Variants in WDPCP observed in about 807,000 individuals in gnomAD.
The protein encoded by WDPCP is WD repeat-containing and planar cell polarity effector protein fritz homolog.
A neutral mutation model predicts 93.1 loss-of-function variants in WDPCP; 71 were observed. The ratio of observed to expected loss-of-function variants is 0.76; its 90% CI spans 0.63 to 0.93. The LOEUF is 0.93. WDPCP is among the 40% of genes least tolerant of loss of function. The pLI is 0.00. For synonymous variants in WDPCP, 315 were observed against 315.0 expected (o/e 1.00, Z 0.00); for missense variants, 844 against 887.4 (o/e 0.95, Z 0.62).
chr2:63,230,406 G>C (rs1022637206), intron 14 of WDPCP, among the ~76,000 whole-genome samples: 17 of 152,104 alleles, frequency 1.1e-4, no homozygotes, highest in Admixed American at 4.6e-4. Flanking sequence ...ACATGTGTAT[G>C]TGTCTTTATA....
intron 2 of WDPCP, among the ~76,000 whole-genome samples, chr2:63,491,161 G>A (rs1191440044): frequency 6.6e-6 from 1 of 151,918 alleles, no homozygotes; most frequent in Admixed American, 6.5e-5. Context: ...TTCTGTTTTT[G>A]TTTCTTGCTT....
chr2:63,443,158 C>G (rs951310464), intron 6 of WDPCP: 4 of 152,166 alleles, frequency 2.6e-5, no homozygotes, highest in Non-Finnish European at 5.9e-5. Flanking sequence ...GAGCCAGGCA[C>G]TGTTCCAAGT....
chr2:63,313,888 T>TATATA (rs1686414633), intron 12 of WDPCP, among the ~76,000 whole-genome samples: 1 of 5,016 alleles, frequency 2.0e-4, no homozygotes, highest in Non-Finnish European at 2.7e-4. Flanking sequence ...ATATATATAT[T>TATATA]TTTTTTTTTT....
At chr2:63,265,640 G>C (rs181185941) in intron 13 of WDPCP, among the ~76,000 whole-genome samples, 2 of 152,094 alleles carry the variant, frequency 1.3e-5, no homozygotes, top group Non-Finnish European at 2.9e-5. Flanking sequence ...AACTGAAGAG[G>C]ACGTACTTCC....
At chr2:63,687,868 G>A (rs746878618) in intron 2 of WDPCP, among the ~76,000 whole-genome samples, 7 of 152,136 alleles carry the variant, frequency 4.6e-5, no homozygotes, top group Non-Finnish European at 8.8e-5. Context: ...TCATGATATC[G>A]AAGATGTATC....
chr2:63,268,912 T>C (rs868582588), intron 13 of WDPCP, among the ~76,000 whole-genome samples: 1 of 152,160 alleles, frequency 6.6e-6, no homozygotes, highest in Admixed American at 6.5e-5. Flanking sequence ...CCCACAAATA[T>C]ACACACATCA....
chr2:63,814,799 G>C (rs1250709268), intron 1 of WDPCP, among the ~76,000 whole-genome samples: 3 of 152,122 alleles, frequency 2.0e-5, no homozygotes, highest in East Asian at 1.9e-4. Flanking sequence ...AGTCTTCACT[G>C]TCTTTTCTGT....
At chr2:63,775,197 GATTA>G (rs1670284190) in intron 2 of WDPCP, among the ~76,000 whole-genome samples, 1 of 152,176 alleles carries the variant, frequency 6.6e-6, no homozygotes, top group South Asian at 2.1e-4. Flanking sequence ...CTGAAATGAA[GATTA>G]TTTACCCTTT....
At chr2:63,640,290 G>T (rs922810488) in intron 3 of WDPCP, among the ~76,000 whole-genome samples, 1 of 152,190 alleles carries the variant, frequency 6.6e-6, no homozygotes, top group Non-Finnish European at 1.5e-5. Flanking sequence ...TTACAGGTGT[G>T]AGCCACCATG....
At chr2:63,594,663 C>A in intron 3 of WDPCP, 1 of 1,037,478 alleles carries the variant, frequency 9.6e-7, no homozygotes, top group Non-Finnish European at 1.5e-6. Flanking sequence ...TAGTTGTACA[C>A]AAATTGTTAA....
intron 1 of WDPCP, among the ~76,000 whole-genome samples, chr2:63,571,916 A>T (rs1056179014): frequency 2.0e-5 from 3 of 152,232 alleles, no homozygotes; most frequent in African/African-American, 7.2e-5. Flanking sequence ...TGTAAACTTG[A>T]TAATGATCAT....
rs1266154858 is a variant in WDPCP, at chr2:63,354,652, ATG to A, written c.1748+23732_1748+23733del. 4.6e-5 allele frequency among the ~76,000 whole-genome samples: 7 copies of A among 151,916 alleles called. No homozygotes were observed. The South Asian group carries it at 8.3e-4, about 18-fold the overall frequency. On this transcript the variant is annotated intron_variant, in intron 12 of 17. Coordinates refer to ENST00000272321, the MANE Select transcript of WDPCP (RefSeq NM_015910.7). ...TACACCCACACCCCCACACACATAT[ATG>A]TGTGTGTATATATATGTGTGTGTGT...
At chr2:63,801,440 A>T (rs1055867838) in intron 2 of WDPCP, among the ~76,000 whole-genome samples, 2 of 152,152 alleles carry the variant, frequency 1.3e-5, no homozygotes, top group African/African-American at 4.8e-5. Context: ...AGGAGCAGCA[A>T]GATTTATCAT....
intron 1 of WDPCP, among the ~76,000 whole-genome samples, chr2:63,578,841 C>T (rs1198787512): frequency 6.6e-6 from 1 of 152,144 alleles, no homozygotes; most frequent in Non-Finnish European, 1.5e-5. Flanking sequence ...CCTATCGATT[C>T]TATTCTCCAT....
intron 1 of WDPCP, among the ~76,000 whole-genome samples, chr2:63,561,831 T>C (rs1706652384): frequency 6.6e-6 from 1 of 152,186 alleles, no homozygotes; most frequent in Non-Finnish European, 1.5e-5. Context: ...TACCATCTCT[T>C]GCCAGTCAGA....
At chr2:63,566,553 C>A (rs750089746) in intron 1 of WDPCP, among the ~76,000 whole-genome samples, 39 of 152,184 alleles carry the variant, frequency 2.6e-4, no homozygotes, top group Non-Finnish European at 4.7e-4. Context: ...GCGTCCTCAA[C>A]CTTGGCAAAA....
At chr2:63,787,056 T>C (rs1233629778) in intron 2 of WDPCP, among the ~76,000 whole-genome samples, 1 of 152,202 alleles carries the variant, frequency 6.6e-6, no homozygotes, top group Non-Finnish European at 1.5e-5. Flanking sequence ...AACCCTCTCC[T>C]ATGAGTAAAT....
intron 14 of WDPCP, among the ~76,000 whole-genome samples, chr2:63,197,447 C>T (rs1675533048): frequency 6.6e-6 from 1 of 151,952 alleles, no homozygotes; most frequent in Non-Finnish European, 1.5e-5. Flanking sequence ...ATGGGGGTGC[C>T]CCTAAACCCC....
At chr2:63,694,470 T>C (rs1575749365) in intron 2 of WDPCP, among the ~76,000 whole-genome samples, 2 of 152,262 alleles carry the variant, frequency 1.3e-5, no homozygotes, top group East Asian at 3.9e-4. Context: ...TAAAAATAAT[T>C]ATTGAGTATT....
Sources: allele counts gnomAD v4.1 joint callset (sites outside exome capture counted in the v4.1 genomes callset), GRCh38; gene constraint gnomAD v4.1.1; transcripts MANE v1.5; gene names NCBI Gene and HGNC (gene_info 2026-07-23, HGNC 2026-07-21).